FBXL17: variants seen among roughly 807,000 people sequenced by gnomAD.
FBXL17 encodes the protein F-box and leucine rich repeat protein 17.
In FBXL17, 22 loss-of-function variants were observed where a neutral mutation model predicts 66.2. The ratio of observed to expected loss-of-function variants is 0.33; its 90% CI spans 0.24 to 0.47. The LOEUF (loss-of-function observed/expected upper bound fraction) is 0.47. Among genes scored for constraint, FBXL17 ranks in the 20% least tolerant of loss-of-function variants. The pLI, the probability that FBXL17 is intolerant of heterozygous loss-of-function variation, is 1.00. For missense variants in FBXL17, 878 were observed against 948.2 expected (o/e 0.93, Z 0.97); for synonymous variants, 474 against 400.5 (o/e 1.18, Z -2.19).
intron 5 of FBXL17, among the ~76,000 whole-genome samples, chr5:108,201,573 G>A (rs1010523994): frequency 2.0e-5 from 3 of 151,932 alleles, no homozygotes; most frequent in Non-Finnish European, 4.4e-5. Context: ...ATTTAACTCT[G>A]TAATTCTCAA....
At chr5:108,274,052 A>T (rs925362655) in intron 4 of FBXL17, among the ~76,000 whole-genome samples, 1 of 148,244 alleles carries the variant, frequency 6.7e-6, no homozygotes, top group African/African-American at 2.4e-5. Flanking sequence ...ATCTATAAGA[A>T]AGAATGAAAA....
chr5:107,917,078 T>C (rs1750155593), intron 7 of FBXL17, among the ~76,000 whole-genome samples: 1 of 152,224 alleles, frequency 6.6e-6, no homozygotes, highest in Admixed American at 6.5e-5. Context: ...TTTGTAAACC[T>C]TGAATATCTT....
intron 6 of FBXL17, among the ~76,000 whole-genome samples, chr5:108,119,177 C>G (rs1750378453): frequency 6.6e-6 from 1 of 152,192 alleles, no homozygotes; most frequent in Non-Finnish European, 1.5e-5. Flanking sequence ...CCAATAGCCT[C>G]TTATTACTCT....
chr5:107,949,693 A>G (rs1751435453), intron 7 of FBXL17, among the ~76,000 whole-genome samples: 1 of 152,198 alleles, frequency 6.6e-6, no homozygotes, highest in African/African-American at 2.4e-5. Context: ...CACAGACTAG[A>G]TAAGAGCAGC....
chr5:108,039,164 C>T (rs1252490745), intron 6 of FBXL17, among the ~76,000 whole-genome samples: 1 of 151,820 alleles, frequency 6.6e-6, no homozygotes, highest in East Asian at 1.9e-4. Context: ...TTTTTAGATC[C>T]CTTGTTGAGT....
intron 6 of FBXL17, among the ~76,000 whole-genome samples, chr5:108,100,242 G>A (rs1007493545): frequency 1.3e-5 from 2 of 152,016 alleles, no homozygotes; most frequent in Non-Finnish European, 2.9e-5. Flanking sequence ...TCTTTAACAA[G>A]AAAACATTTC....
chr5:108,128,262 A>G (rs1473551496), intron 6 of FBXL17, among the ~76,000 whole-genome samples: 1 of 147,628 alleles, frequency 6.8e-6, no homozygotes, highest in Non-Finnish European at 1.5e-5. Context: ...AAAAAAAAAG[A>G]ATTTGTCTTT....
Position 108,103,963 on chromosome 5 carries a change from A to G in FBXL17, c.1745+82154T>C, listed in dbSNP as rs148865968. Among the ~76,000 whole-genome samples the G allele has an allele frequency of 4.5e-3, 680 of 152,262 alleles. 7 individuals are homozygous for G. The highest frequency in any genetic ancestry group is 0.014 in the African/African-American group (584 of 41,564). On this transcript the variant is annotated intron_variant, in intron 6 of 8. Transcript: ENST00000542267. ...CATTTTACAAAGTGAATTGTGCCAG[A>G]CAGTATGCCTTATGCTGGGTCTTCT... is the stretch of plus-strand genomic sequence containing the variant.
At chr5:108,033,842 T>G (rs1180699468) in intron 6 of FBXL17, among the ~76,000 whole-genome samples, 1 of 152,178 alleles carries the variant, frequency 6.6e-6, no homozygotes, top group Non-Finnish European at 1.5e-5. Context: ...ATTTAAAGAT[T>G]CCATAATAAC....
intron 6 of FBXL17, among the ~76,000 whole-genome samples, chr5:108,037,779 C>T (rs1746900643): frequency 6.6e-6 from 1 of 152,112 alleles, no homozygotes; most frequent in African/African-American, 2.4e-5. Flanking sequence ...TAGAATAGTG[C>T]CTTGGATACA....
At chr5:108,248,218 G>A (rs1756190570) in intron 4 of FBXL17, among the ~76,000 whole-genome samples, 2 of 152,078 alleles carry the variant, frequency 1.3e-5, no homozygotes, top group African/African-American at 4.8e-5. Context: ...AGACATACTT[G>A]AAGCAAACAA....
intron 7 of FBXL17, among the ~76,000 whole-genome samples, chr5:107,950,906 G>A (rs1751479401): frequency 6.6e-6 from 1 of 152,200 alleles, no homozygotes; most frequent in African/African-American, 2.4e-5. Flanking sequence ...CAAATGTGAT[G>A]CAGCCATGAA....
At chr5:108,133,040 A>T (rs1256895244) in intron 6 of FBXL17, among the ~76,000 whole-genome samples, 1 of 152,202 alleles carries the variant, frequency 6.6e-6, no homozygotes, top group Non-Finnish European at 1.5e-5. Context: ...ACTCCAACGC[A>T]TATTGGGAAA....
intron 6 of FBXL17, among the ~76,000 whole-genome samples, chr5:108,075,446 C>T (rs1748505797): frequency 6.6e-6 from 1 of 152,042 alleles, no homozygotes; most frequent in Admixed American, 6.6e-5. Context: ...TTACTTTTTC[C>T]AGTTACACAA....
chr5:107,959,702 T>C (rs1025970665), intron 7 of FBXL17, among the ~76,000 whole-genome samples: 2 of 152,186 alleles, frequency 1.3e-5, no homozygotes, highest in African/African-American at 4.8e-5. Context: ...CATTTGTTAC[T>C]AAAAACATTA....
chr5:108,098,412 A>T (rs951961456), intron 6 of FBXL17, among the ~76,000 whole-genome samples: 11 of 152,162 alleles, frequency 7.2e-5, no homozygotes, highest in Non-Finnish European at 1.3e-4. Context: ...CCTCCTTTCA[A>T]CTTTTTGGGT....
intron 5 of FBXL17, among the ~76,000 whole-genome samples, chr5:108,186,546 T>C (rs1310613836): frequency 6.6e-6 from 1 of 151,554 alleles, no homozygotes; most frequent in African/African-American, 2.4e-5. Flanking sequence ...CTGAGGCGGG[T>C]GGATCACGAG....
chr5:108,177,851 T>C (rs924441765), intron 6 of FBXL17, among the ~76,000 whole-genome samples: 3 of 149,822 alleles, frequency 2.0e-5, no homozygotes, highest in African/African-American at 7.3e-5. Context: ...TGGAACACAG[T>C]ATAATTAAGT....
At chr5:107,883,797 G>C (rs1002208416) in intron 7 of FBXL17, among the ~76,000 whole-genome samples, 25 of 152,150 alleles carry the variant, frequency 1.6e-4, no homozygotes, top group Non-Finnish European at 3.5e-4. Flanking sequence ...GCACGCTAAG[G>C]GGGTGTAAGA....
Sources: gnomAD v4.1 joint callset for allele counts (sites outside exome capture counted in the v4.1 genomes callset) on GRCh38, gnomAD v4.1.1 for gene constraint, MANE v1.5 for transcripts, NCBI Gene and HGNC (gene_info 2026-07-23, HGNC 2026-07-21) for gene names.